ZNF385D: variants seen among roughly 807,000 people sequenced by gnomAD.
ZNF385D encodes the protein zinc finger protein 385D.
A neutral mutation model predicts 35.8 loss-of-function variants in ZNF385D; 15 were observed. The ratio of observed to expected loss-of-function variants is 0.42; its 90% CI spans 0.28 to 0.64. The LOEUF (loss-of-function observed/expected upper bound fraction) is 0.64. Ranked by LOEUF, ZNF385D falls within the 30% of genes least tolerant of loss-of-function variation. The probability of loss-of-function intolerance (pLI) is 0.23; values close to 1 mark genes in which losing one functional copy is unlikely to be tolerated. For synonymous variants in ZNF385D, 212 were observed against 186.8 expected (o/e 1.13, Z -1.10); for missense variants, 474 against 494.6 (o/e 0.96, Z 0.39).
intron 3 of ZNF385D, among the ~76,000 whole-genome samples, chr3:21,988,572 AG>A (rs1694953363): frequency 6.7e-6 from 1 of 150,208 alleles, no homozygotes; most frequent in South Asian, 2.2e-4. Flanking sequence ...CTCTGTTCAG[AG>A]CTGTCAGACA....
intron 1 of ZNF385D, among the ~76,000 whole-genome samples, chr3:21,731,704 T>C (rs1448568975): frequency 6.6e-6 from 1 of 152,170 alleles, no homozygotes; most frequent in East Asian, 1.9e-4. Context: ...TAATACTGTA[T>C]TTTGAATATG....
intron 2 of ZNF385D, among the ~76,000 whole-genome samples, chr3:22,265,766 G>A (rs1047845434): frequency 6.6e-6 from 1 of 151,866 alleles, no homozygotes; most frequent in Non-Finnish European, 1.5e-5. Context: ...CACCTACTAT[G>A]CATTAAGCAC....
intron 3 of ZNF385D, among the ~76,000 whole-genome samples, chr3:22,087,558 C>A (rs1701111280): frequency 6.6e-6 from 1 of 152,098 alleles, no homozygotes; most frequent in South Asian, 2.1e-4. Flanking sequence ...TTTTCTTGGA[C>A]TGTGAGGTGG....
At chr3:22,030,703 C>T (rs187711350) in intron 3 of ZNF385D, among the ~76,000 whole-genome samples, 35 of 152,152 alleles carry the variant, frequency 2.3e-4, no homozygotes, top group African/African-American at 7.2e-4. Flanking sequence ...CTGCCCTGGC[C>T]CCTCCTAAAT....
intron 3 of ZNF385D, among the ~76,000 whole-genome samples, chr3:21,944,846 T>C (rs111435752): frequency 0.034 from 5,122 of 152,212 alleles, 303 homozygotes; most frequent in African/African-American, 0.12. Flanking sequence ...AATAAAATTA[T>C]AGAAATGTAG....
intron 3 of ZNF385D, among the ~76,000 whole-genome samples, chr3:22,166,330 G>A (rs1706328023): frequency 6.6e-6 from 1 of 152,084 alleles, no homozygotes; most frequent in African/African-American, 2.4e-5. Flanking sequence ...AGAATTTGAG[G>A]AATATATTAA....
intron 2 of ZNF385D, among the ~76,000 whole-genome samples, chr3:21,663,686 A>G (rs762064456): frequency 2.0e-5 from 3 of 151,688 alleles, no homozygotes; most frequent in Non-Finnish European, 4.4e-5. Flanking sequence ...TTTATGAGAT[A>G]TCAATTTCAA....
At chr3:21,884,928 G>C (rs754229731) in intron 3 of ZNF385D, among the ~76,000 whole-genome samples, 18 of 151,958 alleles carry the variant, frequency 1.2e-4, no homozygotes, top group African/African-American at 4.1e-4. Context: ...TGTAAATAAA[G>C]TTTTTCAGGG....
chr3:21,599,498 T>C (rs2064220928), intron 2 of ZNF385D, among the ~76,000 whole-genome samples: 1 of 152,232 alleles, frequency 6.6e-6, no homozygotes, highest in Non-Finnish European at 1.5e-5. Context: ...ATAGCTACTA[T>C]TATTGAAAAT....
chr3:22,279,521 T>TGTACATATGTACATATATATGTATATAC, intron 2 of ZNF385D, among the ~76,000 whole-genome samples: 1 of 146,442 alleles, frequency 6.8e-6, no homozygotes, highest in South Asian at 2.1e-4. Context: ...TGTATATACA[T>TGTACATATGTACATATATATGTATATAC]ATACATATGT....
chr3:21,470,356 A>G lies in ZNF385D; in HGVS notation c.440-33153T>C, dbSNP rs1354470171. ...GAATTCTCAGCCCAAATTCACTAGC[A>G]TTGTTCTAAAATGTGATGGGGTGGG... On this transcript the variant is annotated intron_variant, in intron 4 of 7. Transcript: ENST00000281523. 2.0e-5 allele frequency among the ~76,000 whole-genome samples: 3 copies of G among 152,244 alleles called. No homozygotes were observed. In the East Asian group the frequency reaches 5.8e-4, roughly 29 times the overall value.
intron 1 of ZNF385D, among the ~76,000 whole-genome samples, chr3:21,679,972 A>T (rs1379389923): frequency 1.3e-5 from 2 of 152,136 alleles, no homozygotes; most frequent in Non-Finnish European, 2.9e-5. Flanking sequence ...TGTATGAGAG[A>T]GACTCGCTCA....
At chr3:22,264,786 T>TA (rs1472970270) in intron 2 of ZNF385D, among the ~76,000 whole-genome samples, 1 of 151,888 alleles carries the variant, frequency 6.6e-6, no homozygotes, top group Non-Finnish European at 1.5e-5. Flanking sequence ...TGCATTGAAA[T>TA]AAAAAATATT....
chr3:21,940,367 T>C (rs1447664674), intron 3 of ZNF385D, among the ~76,000 whole-genome samples: 1 of 152,204 alleles, frequency 6.6e-6, no homozygotes, highest in African/African-American at 2.4e-5. Context: ...ACGTTCTTCG[T>C]CTGTCAAATG....
At position 21,585,217 on chromosome 3, in the gene ZNF385D, A is replaced by C. The variant is rs543271309; in HGVS notation, c.166-20533T>G. Among the ~76,000 whole-genome samples the C allele has an allele frequency of 2.0e-5, 3 of 152,304 alleles. 1 individual carries two copies. Among genetic ancestry groups the C allele is most frequent in the African/African-American group, 7.2e-5 (3 of 41,572 alleles). ...TTGTTGCTCATATTTGACCATAAAAAACTATTCCATTTAAATAATAGGCTT... is the reference window on the plus strand; with the variant it reads ...TTGTTGCTCATATTTGACCATAAAACACTATTCCATTTAAATAATAGGCTT... On this transcript the variant is annotated intron_variant, in intron 2 of 7. Coordinates refer to ENST00000281523, the MANE Select transcript of ZNF385D (RefSeq NM_024697.3).
At chr3:21,592,667 A>G (rs546636982) in intron 2 of ZNF385D, among the ~76,000 whole-genome samples, 9 of 152,166 alleles carry the variant, frequency 5.9e-5, no homozygotes, top group Non-Finnish European at 2.9e-5. Flanking sequence ...TCAAACTCCC[A>G]TTCTCAAATC....
At chr3:22,326,690 C>T (rs1038417216) in intron 2 of ZNF385D, among the ~76,000 whole-genome samples, 1 of 152,028 alleles carries the variant, frequency 6.6e-6, no homozygotes, top group Non-Finnish European at 1.5e-5. Context: ...TAAAAGTGAA[C>T]ATTTCTGTTT....
intron 2 of ZNF385D, among the ~76,000 whole-genome samples, chr3:22,302,315 C>A (rs1002904262): frequency 6.6e-6 from 1 of 151,796 alleles, no homozygotes; most frequent in Non-Finnish European, 1.5e-5. Context: ...TTTCCAATTT[C>A]TGTGTATGAG....
At chr3:21,459,060 G>GTA (rs1703005714) in intron 4 of ZNF385D, among the ~76,000 whole-genome samples, 1 of 152,094 alleles carries the variant, frequency 6.6e-6, no homozygotes, top group Admixed American at 6.6e-5. Flanking sequence ...ACTATCACCT[G>GTA]GGAGGGTAAG....
Sources: gnomAD v4.1 joint callset for allele counts (sites outside exome capture counted in the v4.1 genomes callset) on GRCh38, gnomAD v4.1.1 for gene constraint, MANE v1.5 for transcripts, NCBI Gene and HGNC (gene_info 2026-07-23, HGNC 2026-07-21) for gene names.